Variants in ARHGEF1 observed in about 807,000 individuals in gnomAD.
ARHGEF1 encodes 115 kDa guanine nucleotide exchange factor.
ARHGEF1 carries 40 observed loss-of-function variants against 119.7 expected under a neutral mutation model. The observed-to-expected ratio is 0.33, with a 90% CI of 0.26 to 0.44. The LOEUF (loss-of-function observed/expected upper bound fraction) is 0.44. ARHGEF1 is among the 20% of genes least tolerant of loss of function. ARHGEF1 has a pLI of 1.00. For synonymous variants in ARHGEF1, 494 were observed against 521.0 expected, an observed-to-expected ratio of 0.95 and a Z score of 0.71; for missense variants, 976 against 1,268.3, an observed-to-expected ratio of 0.77 and a Z score of 3.50.
rs1334637798 is a variant in ARHGEF1 at position 41,903,173 on chromosome 19, C to T, written c.1739-134C>T. 1.0e-5 allele frequency: 8 copies of T among 778,508 alleles called. No homozygotes were observed. The Admixed American group carries it at 1.9e-4, about 18-fold the overall frequency. The allele number at this position is 778,508 out of a possible 1,614,324, so 48.2% of individuals were successfully genotyped here. On this transcript the variant is annotated intron_variant, in intron 18 of 28. Coordinates refer to ENST00000354532, the MANE Select transcript of ARHGEF1 (RefSeq NM_004706.4). This position sits in a 1 kb window ranked among gnomAD's most constrained non-coding sequence, Gnocchi z 4.2. ...CTGGTCTCAAGCTATCCTCCCGCCT[C>T]AGCCTCCCAAAGTGCTTGGATTACA... is the stretch of plus-strand genomic sequence containing the variant.
downstream of ARHGEF1, among the ~76,000 whole-genome samples, chr19:41,910,643 T>C (rs1555851160): frequency 6.6e-6 from 1 of 152,148 alleles, no homozygotes; most frequent in East Asian, 1.9e-4. The surrounding 1 kb of genome is among the most constrained non-coding windows in gnomAD (Gnocchi z 4.4). Context: ...GCCTGTGTAT[T>C]TGTACCTTTC....
In ARHGEF1 at chr19:41,907,150, C is replaced by G; in HGVS notation, c.*63C>G. 8 of 1,531,154 alleles carry G rather than the reference C, an allele frequency of 5.2e-6. No individual in the cohort carries two copies. Among genetic ancestry groups the G allele is most frequent in the Non-Finnish European group, 7.0e-6 (8 of 1,144,662 alleles). 94.8% of individuals were successfully genotyped at this position (1,531,154 alleles called of 1,614,324 possible). ...GAATGGGGGAGAGGACGTGAGGGAC[C>G]ACCCCCACCCACACAGCTGCCGCAG... On this transcript the variant is annotated 3_prime_UTR_variant, in exon 29 of 29. Transcript: ENST00000354532.
rs557943067 is a variant in ARHGEF1 at position 41,913,463 on chromosome 19, T to C, written c.1865+6660T>C. On this transcript the variant is annotated intron_variant, in intron 18 of 20. Transcript: ENST00000599589. ...CCACCCGGACGACCCCCAGGCGGGC[T>C]CTTCCAGCCCAGGCGCAGCCCTGAC... Among the ~76,000 whole-genome samples the C allele has an allele frequency of 7.8e-4, 113 of 145,780 alleles. 2 individuals are homozygous for C. The South Asian group carries it at 0.024, about 31-fold the overall frequency.
rs2074465135 is a variant in ARHGEF1, at chr19:41,895,333, C to T, written c.878-16C>T. On this transcript the variant is annotated splice_polypyrimidine_tract_variant and intron_variant, in intron 11 of 28. Transcript: ENST00000354532. ...TGTTCTCTTATCTCCCTCTTTCTCC[C>T]TCACTGTCTCCCCAGCCGAGAAGCC... 10 of 1,596,536 alleles carry T rather than the reference C, an allele frequency of 6.3e-6. No homozygotes were observed. The East Asian group carries it at 2.0e-4, about 32-fold the overall frequency.
At chr19:41,912,164 CG>C (rs1319924746), downstream of ARHGEF1, among the ~76,000 whole-genome samples, 1 of 152,182 alleles carries the variant, frequency 6.6e-6, no homozygotes, top group African/African-American at 2.4e-5. Context: ...CAGATGTGCA[CG>C]TACAAGCAAA....
In ARHGEF1 at chr19:41,884,225, C is replaced by A. The variant is rs1395315513; in HGVS notation, c.-20+936C>A. The A allele has an allele frequency of 1.0e-5, 6 of 592,802 alleles. No individual in the cohort carries two copies. In the East Asian group the frequency reaches 1.7e-4, roughly 17 times the overall value. The allele number at this position is 592,802 out of a possible 1,614,324, so 36.7% of individuals were successfully genotyped here. A position where few individuals can be genotyped will look rare whatever the true frequency, so the allele number is the denominator to read the frequency against. On this transcript the variant is annotated intron_variant, in intron 1 of 28. Transcript: ENST00000354532. ...CGGGGGCAGTCGAGATACGGAAACGCTGGCCCTCCAAGACAGGCCAGAGCG... is the reference window on the plus strand; with the variant it reads ...CGGGGGCAGTCGAGATACGGAAACGATGGCCCTCCAAGACAGGCCAGAGCG...
At position 41,905,265 on chromosome 19, in the gene ARHGEF1, A is replaced by AG. The variant is rs782357085; in HGVS notation, c.2336+10dup. 4.8e-5 allele frequency: 78 copies of AG among 1,611,182 alleles called. No homozygotes were observed. The highest frequency in any genetic ancestry group is 1.7e-4 in the Admixed American group (10 of 59,622). ...AGCCCCGGCCCAGCCCGAGCAGGTGAGGGGGGCCATGGAGAGAGCTGGAGG... is the reference window on the plus strand; with the variant it reads ...AGCCCCGGCCCAGCCCGAGCAGGTGAGGGGGGGCCATGGAGAGAGCTGGAGG... On this transcript the variant is annotated splice_donor_region_variant and intron_variant, in intron 24 of 28. Coordinates refer to ENST00000354532, the MANE Select transcript of ARHGEF1 (RefSeq NM_004706.4). This position sits in a 1 kb window ranked among gnomAD's most constrained non-coding sequence, Gnocchi z 6.4.
At chr19:41,918,673 GACACACCACACACACCACATATCCGCC>G (rs1555852148), upstream of ARHGEF1, among the ~76,000 whole-genome samples, 1 of 112,834 alleles carries the variant, frequency 8.9e-6, no homozygotes, top group South Asian at 2.9e-4. Context: ...ACCCATCACA[GACACACCACACACACCACATATCCGCC>G]ACACACCACA....
intron 1 of ARHGEF1, among the ~76,000 whole-genome samples, chr19:41,927,686 A>G (rs2074879677): frequency 6.6e-6 from 1 of 151,868 alleles, no homozygotes; most frequent in South Asian, 2.1e-4. Context: ...CTCAGCCCCA[A>G]ACATCCAAAT....
rs1260595261 is a variant in ARHGEF1, at chr19:41,917,432, G to C, written c.1866-5660G>C. 6.6e-6 allele frequency among the ~76,000 whole-genome samples: 1 copy of C among 151,704 alleles called. No homozygotes were observed. Among genetic ancestry groups the C allele is most frequent in the Non-Finnish European group, 1.5e-5 (1 of 67,916 alleles). On this transcript the variant is annotated intron_variant, in intron 18 of 20. Coordinates refer to the ARHGEF1 transcript ENST00000599589. The surrounding 1 kb of genome is among the most constrained non-coding windows in gnomAD (Gnocchi z 4.8). ...CGCCGGCCGCCTCGGGAGCCGCCTC[G>C]GGCCTCGCACCCCCACCACCAGCCC... is the stretch of plus-strand genomic sequence containing the variant.
In ARHGEF1 at chr19:41,888,133, C is replaced by A; in HGVS notation, c.24+27C>A. ...TGAGTGGACAGAGCAAGGGGTGAGGCGACTCTGGGGCTGTGGGTGGAGAGT... is the reference window on the plus strand; with the variant it reads ...TGAGTGGACAGAGCAAGGGGTGAGGAGACTCTGGGGCTGTGGGTGGAGAGT... On this transcript the variant is annotated intron_variant, in intron 2 of 28. Coordinates refer to ENST00000354532, the MANE Select transcript of ARHGEF1 (RefSeq NM_004706.4). The surrounding 1 kb of genome is among the most constrained non-coding windows in gnomAD (Gnocchi z 5.1). 3.7e-6 allele frequency: 6 copies of A among 1,613,954 alleles called. No homozygotes were observed. Among genetic ancestry groups the A allele is most frequent in the Non-Finnish European group, 5.1e-6 (6 of 1,179,958 alleles).
chr19:41,909,150 G>T, downstream of ARHGEF1: 2 of 1,231,876 alleles, frequency 1.6e-6, no homozygotes, highest in Non-Finnish European at 2.0e-6. This position sits in a 1 kb window ranked among gnomAD's most constrained non-coding sequence, Gnocchi z 5.2. Context: ...TCTCCCAGGC[G>T]TGGGGCAGAG....
intron 2 of ARHGEF1, among the ~76,000 whole-genome samples, chr19:41,929,427 C>T (rs1312164472): frequency 2.0e-5 from 3 of 152,194 alleles, no homozygotes; most frequent in African/African-American, 7.2e-5. Context: ...GCCAGATCTG[C>T]TCCCATTGAA....
Position 41,902,729 on chromosome 19 carries a change from G to T in ARHGEF1, c.1624-55G>T. On this transcript the variant is annotated intron_variant, in intron 17 of 28. Transcript: ENST00000354532. The surrounding 1 kb of genome is among the most constrained non-coding windows in gnomAD (Gnocchi z 6.5). ...GAGACCCAGACTCCTAGGTGCCTGCGCCCTGGGGTGAGCCCAAAGCCTGGG... is the reference window on the plus strand; with the variant it reads ...GAGACCCAGACTCCTAGGTGCCTGCTCCCTGGGGTGAGCCCAAAGCCTGGG... 6.2e-7 allele frequency: 1 copy of T among 1,613,302 alleles called. No individual in the cohort carries two copies. The highest frequency in any genetic ancestry group is 8.5e-7 in the Non-Finnish European group (1 of 1,179,670).
Position 41,905,581 on chromosome 19 carries a change from T to C in ARHGEF1, c.2337-179T>C, listed in dbSNP as rs914974003. 6.0e-6 allele frequency: 4 copies of C among 661,958 alleles called. No individual in the cohort carries two copies. The highest frequency in any genetic ancestry group is 4.0e-4 in the Middle Eastern group (1 of 2,494). 41.0% of individuals were successfully genotyped at this position (661,958 alleles called of 1,614,324 possible). A position where few individuals can be genotyped will look rare whatever the true frequency, so the allele number is the denominator to read the frequency against. The stretch of plus-strand genomic sequence containing the variant: ...CCCCACCACTGCCCCGTCTGTCTCC[T>C]GTCTCCAGGCCTCTGTGTCTTCCAT... On this transcript the variant is annotated intron_variant, in intron 24 of 28. Coordinates refer to ENST00000354532, the MANE Select transcript of ARHGEF1 (RefSeq NM_004706.4). This position sits in a 1 kb window ranked among gnomAD's most constrained non-coding sequence, Gnocchi z 6.4.
Position 41,904,127 on chromosome 19 carries a change from C to G in ARHGEF1, c.1993+17C>G, listed in dbSNP as rs782242644. 52 of 1,614,086 alleles carry G rather than the reference C, an allele frequency of 3.2e-5. No homozygotes were observed. The Middle Eastern group carries it at 6.6e-4, about 20-fold the overall frequency. ...AGGCAGTGGGTGAGTGCCAGAGCAG[C>G]TGCCTAGTGCAGGGTGTTGGGGCAG... On this transcript the variant is annotated intron_variant, in intron 21 of 28. Transcript: ENST00000354532. This position sits in a 1 kb window ranked among gnomAD's most constrained non-coding sequence, Gnocchi z 8.4.
rs1555850299 is a variant in ARHGEF1 at position 41,906,681 on chromosome 19, T to C, written c.2656-22T>C. The C allele has an allele frequency of 6.2e-7, 1 of 1,601,734 alleles. No homozygotes were observed. The highest frequency in any genetic ancestry group is 1.8e-5 in the Admixed American group (1 of 56,278). On this transcript the variant is annotated intron_variant, in intron 27 of 28. Coordinates refer to ENST00000354532, the MANE Select transcript of ARHGEF1 (RefSeq NM_004706.4). The surrounding 1 kb of genome is among the most constrained non-coding windows in gnomAD (Gnocchi z 4.5). ...CTGGGGAAGGAAGGGGCCCCCCTCATCCATGACCCCCACCCCACCAGGAGT... is the reference window on the plus strand; with the variant it reads ...CTGGGGAAGGAAGGGGCCCCCCTCACCCATGACCCCCACCCCACCAGGAGT...
At chr19:41,919,476 C>A (rs1311948199), upstream of ARHGEF1, among the ~76,000 whole-genome samples, 2 of 151,882 alleles carry the variant, frequency 1.3e-5, no homozygotes, top group African/African-American at 4.8e-5. Context: ...ACATTCAGCT[C>A]CTACAAATTA....
chr19:41,889,170 G>A lies in ARHGEF1; in HGVS notation c.225+305G>A, dbSNP rs531082438. The stretch of plus-strand genomic sequence containing the variant: ...GAAACCACATCCCATCCCACTCTGT[G>A]CCTGTGGCAGCGCCCCCATCAGCCT... On this transcript the variant is annotated intron_variant, in intron 4 of 28. Transcript: ENST00000354532. The surrounding 1 kb of genome is among the most constrained non-coding windows in gnomAD (Gnocchi z 4.0). The A allele has an allele frequency of 7.3e-6, 2 of 275,138 alleles. No individual in the cohort carries two copies. Among genetic ancestry groups the A allele is most frequent in the East Asian group, 1.3e-4 (2 of 14,826 alleles). 17.0% of individuals were successfully genotyped at this position (275,138 alleles called of 1,614,324 possible).
Sources: gnomAD v4.1 joint callset for allele counts (sites outside exome capture counted in the v4.1 genomes callset) on GRCh38, gnomAD v4.1.1 for gene constraint, Gnocchi (gnomAD v3.1) non-coding constraint, MANE v1.5 for transcripts, NCBI Gene and HGNC (gene_info 2026-07-23, HGNC 2026-07-21) for gene names.